The following ADAM32 variants were observed in gnomAD, a reference collection of about 807,000 sequenced individuals.
ADAM32 encodes ADAM metallopeptidase domain 32.
In ADAM32, 89 loss-of-function variants were observed where a neutral mutation model predicts 114.9. That is an observed-to-expected ratio of 0.77 (90% CI 0.65 to 0.92). The LOEUF (loss-of-function observed/expected upper bound fraction) is 0.92. Ranked by LOEUF, ADAM32 falls within the 40% of genes least tolerant of loss-of-function variation. The probability of loss-of-function intolerance (pLI) is 0.00; values close to 1 mark genes in which losing one functional copy is unlikely to be tolerated. For missense variants in ADAM32, 870 were observed against 932.8 expected (o/e 0.93, Z 0.88); for synonymous variants, 285 against 307.5 (o/e 0.93, Z 0.77).
chr8:39,162,754 A>G (rs908018975), intron 7 of ADAM32, among the ~76,000 whole-genome samples: 9 of 152,216 alleles, frequency 5.9e-5, no homozygotes, highest in Admixed American at 2.0e-4. Context: ...TAATCCCAGT[A>G]CTTTGGGAAG....
intron 6 of ADAM32, among the ~76,000 whole-genome samples, chr8:39,156,285 C>A (rs1299787431): frequency 6.6e-6 from 1 of 152,050 alleles, no homozygotes; most frequent in Admixed American, 6.5e-5. Context: ...TTAGCTGGGA[C>A]CACAGGCATG....
chr8:39,208,933 G>C (rs111512439), intron 11 of ADAM32, among the ~76,000 whole-genome samples: 127 of 152,104 alleles, frequency 8.3e-4, no homozygotes, highest in African/African-American at 3.0e-3. Flanking sequence ...TTTATATTGA[G>C]GTTTGGACAA....
Position 39,245,993 on chromosome 8 carries a change from T to C in ADAM32, c.1819-90T>C, listed in dbSNP as rs1317332875. Reference sequence around the variant, plus strand: ...GAAAATTTGTATCATTGAATGGCTATGCTTTTATATCATATAATTATTTAC... The same window carrying C: ...GAAAATTTGTATCATTGAATGGCTACGCTTTTATATCATATAATTATTTAC... On this transcript the variant is annotated intron_variant, in intron 16 of 24. Transcript: ENST00000379907. 9 of 1,022,828 alleles carry C rather than the reference T, an allele frequency of 8.8e-6. No individual in the cohort carries two copies. In the East Asian group the frequency reaches 1.8e-4, roughly 20 times the overall value. The allele number at this position is 1,022,828 out of a possible 1,614,324, so 63.4% of individuals were successfully genotyped here.
chr8:39,226,382 C>T (rs944496826), intron 14 of ADAM32, among the ~76,000 whole-genome samples: 56 of 152,034 alleles, frequency 3.7e-4, no homozygotes, highest in African/African-American at 1.3e-3. Flanking sequence ...TGTGCAGGTA[C>T]AGGAAGCTCA....
At position 39,107,769 on chromosome 8, in the gene ADAM32, C is replaced by G; in HGVS notation, c.-7C>G. 1.3e-6 allele frequency: 2 copies of G among 1,550,544 alleles called. No individual in the cohort carries two copies. The highest frequency in any genetic ancestry group is 1.7e-6 in the Non-Finnish European group (2 of 1,146,692). ...CGGCTTCCCGCTGGCAGCCCCGAAG[C>G]CGCACCATGTTCCGCCTCTGGTTGC... On this transcript the variant is annotated 5_prime_UTR_variant, in exon 1 of 25. Coordinates refer to ENST00000379907, the MANE Select transcript of ADAM32 (RefSeq NM_145004.7).
chr8:39,205,451 G>A (rs1335284962), intron 11 of ADAM32, among the ~76,000 whole-genome samples: 3 of 152,228 alleles, frequency 2.0e-5, no homozygotes, highest in African/African-American at 7.2e-5. Flanking sequence ...ATCTCCTGCC[G>A]TTTGCTAAGA....
chr8:39,208,327 T>C (rs992339151), intron 11 of ADAM32, among the ~76,000 whole-genome samples: 1 of 152,146 alleles, frequency 6.6e-6, no homozygotes, highest in Non-Finnish European at 1.5e-5. Context: ...TTCTCCCCAA[T>C]TTTGACTTTT....
intron 22 of ADAM32, among the ~76,000 whole-genome samples, chr8:39,280,002 C>T (rs1221715767): frequency 6.6e-6 from 1 of 152,212 alleles, no homozygotes; most frequent in Non-Finnish European, 1.5e-5. Context: ...GAGGTCTGCA[C>T]TGCGTGGTGC....
chr8:39,180,149 G>C (rs1022491980), intron 10 of ADAM32, among the ~76,000 whole-genome samples: 1 of 152,222 alleles, frequency 6.6e-6, no homozygotes, highest in Non-Finnish European at 1.5e-5. Context: ...GCTGCGCGCA[G>C]CGCTTGCGGG....
intron 2 of ADAM32, among the ~76,000 whole-genome samples, chr8:39,124,015 T>A: frequency 6.6e-6 from 1 of 152,134 alleles, no homozygotes; most frequent in East Asian, 1.9e-4. Flanking sequence ...CCTTCTTTTT[T>A]TTTTTTTCTT....
At chr8:39,117,203 A>G (rs1942851894) in intron 1 of ADAM32, among the ~76,000 whole-genome samples, 1 of 152,172 alleles carries the variant, frequency 6.6e-6, no homozygotes, top group South Asian at 2.1e-4. Flanking sequence ...ATTTAAGGAA[A>G]TCAGTATGCT....
rs187557084 is a variant in ADAM32, at chr8:39,280,785, T to C, written c.2280-351T>C. Among the ~76,000 whole-genome samples the C allele has an allele frequency of 2.4e-3, 362 of 152,110 alleles. 1 individual carries two copies. Among genetic ancestry groups the C allele is most frequent in the African/African-American group, 8.3e-3 (343 of 41,532 alleles). ...AATTTATTTTTATTTTTATTTATGT[T>C]TATTTTTATTTTTTTGAGATGGAGT... On this transcript the variant is annotated intron_variant, in intron 22 of 24. Transcript: ENST00000379907.
At chr8:39,129,983 C>A in intron 2 of ADAM32, 1 of 327,872 alleles carries the variant, frequency 3.0e-6, no homozygotes, top group Non-Finnish European at 5.9e-6. Flanking sequence ...AAGACAATGT[C>A]TCACTCTGTC....
chr8:39,136,702 G>A lies in ADAM32; in HGVS notation c.184G>A (p.Val62Met), dbSNP rs1259759829. The change falls in exon 3 of 25, where the codon GTG (valine) becomes ATG (methionine). Residue 62 changes from valine (V) to methionine (M), a missense_variant. Transcript: ENST00000379907. The stretch of plus-strand genomic sequence containing the variant: ...TCCAATAGATGAGAAACTGTACACT[G>A]TGCACCTTAAACAAAGGTAAATTTT... The part of the protein sequence containing the change: ...IIPIDEKLYT[V>M]HLKQRYFLAD... 5 of 1,534,950 alleles carry A rather than the reference G, an allele frequency of 3.3e-6. No homozygotes were observed. Among genetic ancestry groups the A allele is most frequent in the African/African-American group, 1.4e-5 (1 of 71,740 alleles).
intron 2 of ADAM32, among the ~76,000 whole-genome samples, chr8:39,134,047 A>G (rs1802628889): frequency 6.6e-6 from 1 of 152,078 alleles, no homozygotes; most frequent in South Asian, 2.1e-4. Context: ...TCTGGGGTGT[A>G]GGACATTGTG....
Position 39,257,397 on chromosome 8 carries a change from A to G in ADAM32, c.2162+54A>G. 4.4e-6 allele frequency: 7 copies of G among 1,590,710 alleles called. No individual in the cohort carries two copies. In the East Asian group the frequency reaches 9.0e-5, roughly 20 times the overall value. On this transcript the variant is annotated intron_variant, in intron 19 of 24. Coordinates refer to ENST00000379907, the MANE Select transcript of ADAM32 (RefSeq NM_145004.7). ...ACATTAGTACCATTTGAATCTAGTT[A>G]TATGTAAGACAATATCACGAGCAGT... is the stretch of plus-strand genomic sequence containing the variant.
At chr8:39,208,949 CATT>C (rs2129448251) in intron 11 of ADAM32, among the ~76,000 whole-genome samples, 1 of 152,194 alleles carries the variant, frequency 6.6e-6, no homozygotes, top group Non-Finnish European at 1.5e-5. Context: ...GACAATTTTC[CATT>C]ATTATTTATT....
chr8:39,256,924 T>G (rs1183058962), intron 18 of ADAM32, among the ~76,000 whole-genome samples: 1 of 151,952 alleles, frequency 6.6e-6, no homozygotes, highest in Non-Finnish European at 1.5e-5. Flanking sequence ...TGTCCCTACT[T>G]AGAGGGTTAT....
At chr8:39,177,720 C>G (rs1246689673) in intron 10 of ADAM32, among the ~76,000 whole-genome samples, 1 of 152,100 alleles carries the variant, frequency 6.6e-6, no homozygotes, top group Admixed American at 6.6e-5. Flanking sequence ...GATGTATTCC[C>G]TCAGCATTTG....
Sources: gnomAD v4.1 joint callset for allele counts (sites outside exome capture counted in the v4.1 genomes callset) on GRCh38, gnomAD v4.1.1 for gene constraint, MANE v1.5 for transcripts, NCBI Gene and HGNC (gene_info 2026-07-23, HGNC 2026-07-21) for gene names.